The following CALCR variants were observed in gnomAD, a reference collection of about 807,000 sequenced individuals.
CALCR encodes calcitonin receptor.
Under a neutral mutation model 59.5 loss-of-function variants are expected in CALCR, and 47 were observed. The ratio of observed to expected loss-of-function variants is 0.79; its 90% CI spans 0.63 to 1.01. The LOEUF is 1.01. Among genes scored for constraint, CALCR ranks in the 50% least tolerant of loss-of-function variants. The probability of loss-of-function intolerance (pLI) is 0.00; values close to 1 mark genes in which losing one functional copy is unlikely to be tolerated. For missense variants in CALCR, 566 were observed against 597.1 expected (o/e 0.95, Z 0.54); for synonymous variants, 213 against 211.3 (o/e 1.01, Z -0.07).
intron 2 of CALCR, among the ~76,000 whole-genome samples, chr7:93,505,358 A>G (rs531933466): frequency 1.3e-5 from 2 of 152,332 alleles, no homozygotes; most frequent in Admixed American, 6.5e-5. Flanking sequence ...AAGGATATGA[A>G]TTAGTGTGAT....
At chr7:93,482,302 CTT>C (rs1315793223) in intron 3 of CALCR, among the ~76,000 whole-genome samples, 1 of 151,776 alleles carries the variant, frequency 6.6e-6, no homozygotes, top group African/African-American at 2.4e-5. Context: ...ATTGGTTCAA[CTT>C]ATACATTTAT....
chr7:93,441,372 A>G (rs1250520262), intron 9 of CALCR: 1 of 332,684 alleles, frequency 3.0e-6, no homozygotes, highest in Non-Finnish European at 5.9e-6. Context: ...ACTGGAAGGC[A>G]TTTGATCAAC....
intron 2 of CALCR, among the ~76,000 whole-genome samples, chr7:93,568,508 T>TG (rs1242930579): frequency 8.9e-6 from 1 of 112,956 alleles, no homozygotes; most frequent in African/African-American, 3.4e-5. Context: ...ATAAAATTAC[T>TG]TTCTCTCTCT....
chr7:93,501,236 T>C (rs891082107), intron 2 of CALCR, among the ~76,000 whole-genome samples: 8 of 152,036 alleles, frequency 5.3e-5, no homozygotes, highest in Middle Eastern at 3.2e-3. Context: ...GATGTTAAAG[T>C]CAATTTCAAT....
At chr7:93,477,494 C>T (rs1482367666) in intron 5 of CALCR, 64 bp downstream of exon 5, 5 of 1,154,652 alleles carry the variant, frequency 4.3e-6, no homozygotes, top group Non-Finnish European at 6.4e-6. Context: ...TGATTTTCTT[C>T]TCAAAACCAT....
chr7:93,552,419 G>C (rs1455011419), intron 2 of CALCR, among the ~76,000 whole-genome samples: 1 of 152,114 alleles, frequency 6.6e-6, no homozygotes, highest in African/African-American at 2.4e-5. Context: ...CTTACATTAA[G>C]TCATTTAAAG....
intron 8 of CALCR, among the ~76,000 whole-genome samples, chr7:93,453,662 T>C (rs1176601853): frequency 6.6e-6 from 1 of 152,014 alleles, no homozygotes; most frequent in Non-Finnish European, 1.5e-5. Flanking sequence ...AGACTTTCTG[T>C]GTAAAACATG....
intron 2 of CALCR, among the ~76,000 whole-genome samples, chr7:93,493,368 G>C (rs1320300639): frequency 6.6e-6 from 1 of 151,302 alleles, no homozygotes. Context: ...TCCATGAATT[G>C]TATGAATGAG....
At chr7:93,445,320 A>G (rs1208164031) in intron 8 of CALCR, among the ~76,000 whole-genome samples, 2 of 152,102 alleles carry the variant, frequency 1.3e-5, no homozygotes, top group East Asian at 3.9e-4. Context: ...AAAATGTGAA[A>G]TTCAGTTGTT....
At chr7:93,474,121 C>A (rs538588575) in intron 5 of CALCR, among the ~76,000 whole-genome samples, 2 of 151,592 alleles carry the variant, frequency 1.3e-5, no homozygotes, top group Non-Finnish European at 3.0e-5. Flanking sequence ...AAGAAAACTT[C>A]TTTGTTCTGT....
chr7:93,572,533 G>A (rs186515895), intron 2 of CALCR, among the ~76,000 whole-genome samples: 70 of 152,072 alleles, frequency 4.6e-4, no homozygotes, highest in Non-Finnish European at 7.2e-4. Flanking sequence ...AACCATTACC[G>A]GTCTCCTATT....
chr7:93,456,857 A>G (rs896584630), intron 8 of CALCR, among the ~76,000 whole-genome samples: 1 of 152,146 alleles, frequency 6.6e-6, no homozygotes, highest in South Asian at 2.1e-4. Flanking sequence ...CTCTATACAC[A>G]GAAGAAAGTT....
chr7:93,563,119 C>T (rs1055912258), intron 2 of CALCR, among the ~76,000 whole-genome samples: 10 of 152,124 alleles, frequency 6.6e-5, no homozygotes, highest in African/African-American at 2.4e-4. Flanking sequence ...CCTCCCGTTG[C>T]ACAAGTACAC....
Position 93,555,731 on chromosome 7 carries a change from C to T in CALCR, c.-27+18558G>A, listed in dbSNP as rs141580726. ...TGAGTTTATCATATGTTTATTAAAACGGGTAGAAGCATAAAGCTAACATAT... is the reference window on the plus strand; with the variant it reads ...TGAGTTTATCATATGTTTATTAAAATGGGTAGAAGCATAAAGCTAACATAT... On this transcript the variant is annotated intron_variant, in intron 2 of 13. Coordinates refer to ENST00000426151, the MANE Select transcript of CALCR (RefSeq NM_001742.4). Among the ~76,000 whole-genome samples, 261 of 152,164 alleles carry T rather than the reference C, an allele frequency of 1.7e-3. 1 individual carries two copies. Among genetic ancestry groups the T allele is most frequent in the African/African-American group, 5.8e-3 (241 of 41,544 alleles).
At chr7:93,462,113 G>A (rs1437121852) in intron 7 of CALCR, 1 of 1,455,186 alleles carries the variant, frequency 6.9e-7, no homozygotes, top group Non-Finnish European at 9.3e-7. Context: ...TCAATTTTCT[G>A]CAATAAAAAG....
intron 2 of CALCR, among the ~76,000 whole-genome samples, chr7:93,536,904 G>T (rs188579443): frequency 1.1e-4 from 16 of 151,862 alleles, no homozygotes; most frequent in African/African-American, 3.9e-4. Flanking sequence ...TTACGTAAAA[G>T]AATATGCTTG....
At position 93,477,589 on chromosome 7, in the gene CALCR, G is replaced by C; in HGVS notation, c.285C>G (p.Cys95Trp). ...GATCAAAATCCGGAAAATAATCTGG[G>C]CAGAACTGATAGGACAATACTCCAG... ...TPAGVLSYQF[C>W]PDYFPDFDPS... is the part of the protein sequence containing the mutation. The change falls in exon 5 of 14, where the codon TGC becomes TGG. Residue 95 changes from cysteine (C) to tryptophan (W), a missense_variant. Transcript: ENST00000426151. 1 of 1,611,004 alleles carries C rather than the reference G, an allele frequency of 6.2e-7. No individual in the cohort carries two copies. The highest frequency in any genetic ancestry group is 1.3e-5 in the African/African-American group (1 of 74,782).
rs1276288563 is a variant in CALCR at position 93,494,682 on chromosome 7, G to GT, written c.-26-7676dup. ...TTAAACAATGCCTTGTAGATATATG[G>GT]TTTTTTGAAAAAAAGCACTTTATGG... On this transcript the variant is annotated intron_variant, in intron 2 of 13. Coordinates refer to ENST00000426151, the MANE Select transcript of CALCR (RefSeq NM_001742.4). 5.9e-5 allele frequency among the ~76,000 whole-genome samples: 9 copies of GT among 151,358 alleles called. No homozygotes were observed. The East Asian group carries it at 1.4e-3, about 23-fold the overall frequency.
At chr7:93,498,587 G>GCATGA (rs1470292283) in intron 2 of CALCR, among the ~76,000 whole-genome samples, 1 of 151,710 alleles carries the variant, frequency 6.6e-6, no homozygotes, top group African/African-American at 2.4e-5. Context: ...TTTATTAGAT[G>GCATGA]TGTTTCAATG....
Sources: allele counts gnomAD v4.1 joint callset (sites outside exome capture counted in the v4.1 genomes callset), GRCh38; gene constraint gnomAD v4.1.1; transcripts MANE v1.5; gene names NCBI Gene and HGNC (gene_info 2026-07-23, HGNC 2026-07-21).